Variants in ZFP82 observed in about 807,000 individuals in gnomAD.
ZFP82 encodes the protein zinc finger protein 82 homolog.
A neutral mutation model predicts 54.0 loss-of-function variants in ZFP82; 30 were observed. The ratio of observed to expected loss-of-function variants is 0.56; its 90% CI spans 0.42 to 0.75. The LOEUF (loss-of-function observed/expected upper bound fraction) is 0.75. Among genes scored for constraint, ZFP82 ranks in the 30% least tolerant of loss-of-function variants. The pLI is 0.00. For missense variants in ZFP82, 500 were observed against 636.8 expected (o/e 0.79, Z 2.31); for synonymous variants, 194 against 209.5 (o/e 0.93, Z 0.64).
chr19:36,397,648 C>T (rs1047022966), intron 4 of ZFP82, among the ~76,000 whole-genome samples: 4 of 151,874 alleles, frequency 2.6e-5, no homozygotes, highest in Non-Finnish European at 5.9e-5. Context: ...GCAACCTGCA[C>T]CTCCACCCGC....
chr19:36,397,933 T>A (rs977238304), intron 4 of ZFP82, among the ~76,000 whole-genome samples: 2 of 152,168 alleles, frequency 1.3e-5, no homozygotes, highest in African/African-American at 2.4e-5. Context: ...AAACTGATCA[T>A]GGAAGAGATA....
intron 2 of ZFP82, 109 bp downstream of exon 2, chr19:36,409,672 C>T: frequency 8.4e-7 from 1 of 1,187,532 alleles, no homozygotes; most frequent in Non-Finnish European, 1.2e-6. Context: ...TTTGGAAGAA[C>T]TGGAAGAAGG....
chr19:36,402,133 A>G (rs2032395126), intron 4 of ZFP82, among the ~76,000 whole-genome samples: 2 of 152,228 alleles, frequency 1.3e-5, no homozygotes, highest in Non-Finnish European at 2.9e-5. Context: ...TTGAGTGTTA[A>G]TAATTGCAAA....
At position 36,393,919 on chromosome 19, in the gene ZFP82, C is replaced by G; in HGVS notation, c.421G>C (p.Val141Leu). Residue 141 changes from valine to leucine, a missense_variant, in exon 5 of 5, where the codon GTG (valine) becomes CTG (leucine). By Grantham distance (32) the Val-to-Leu change is conservative. Coordinates refer to ENST00000392161, the MANE Select transcript of ZFP82 (RefSeq NM_133466.4). Reference sequence around the variant, plus strand: ...GACACCTTTTCAGATGGCATTTTCACACTACTGAAGTATCCTTCTTGAGGT... The same window carrying G: ...GACACCTTTTCAGATGGCATTTTCAGACTACTGAAGTATCCTTCTTGAGGT... ...ERPQEGYFSS[V>L]KMPSEKVSSY... 6.2e-7 allele frequency: 1 copy of G among 1,614,166 alleles called. No homozygotes were observed. Among genetic ancestry groups the G allele is most frequent in the Non-Finnish European group, 8.5e-7 (1 of 1,180,028 alleles).
chr19:36,383,459 A>G (rs771008962), exon 2 of ZFP82: 2 of 152,160 alleles, frequency 1.3e-5, no homozygotes, highest in Non-Finnish European at 2.9e-5. Flanking sequence ...TACAAAATCT[A>G]TTTATCTCAG....
chr19:36,408,533 G>C (rs2032523267), intron 2 of ZFP82, among the ~76,000 whole-genome samples: 1 of 152,076 alleles, frequency 6.6e-6, no homozygotes, highest in Non-Finnish European at 1.5e-5. Flanking sequence ...AAAATTGGTT[G>C]TATAGGCCAG....
downstream of ZFP82, among the ~76,000 whole-genome samples, chr19:36,387,159 T>C (rs2032124731): frequency 1.3e-5 from 2 of 152,038 alleles, no homozygotes; most frequent in African/African-American, 4.8e-5. Context: ...CTGATCTAGA[T>C]GAGATTGAAC....
chr19:36,384,265 T>C (rs149197788), downstream of ZFP82: 570 of 152,296 alleles, frequency 3.7e-3, 6 homozygotes, highest in African/African-American at 0.013. Flanking sequence ...AATGTATATA[T>C]AAAAGATAGG....
chr19:36,386,002 G>A (rs138221823), downstream of ZFP82, among the ~76,000 whole-genome samples: 18 of 152,358 alleles, frequency 1.2e-4, no homozygotes, highest in Admixed American at 6.5e-4. Flanking sequence ...GAAAAGGTGT[G>A]TTTAGGAGTG....
In ZFP82 at chr19:36,388,687, T is replaced by C. The variant is rs191087388; in HGVS notation, c.*4054A>G. On this transcript the variant is annotated 3_prime_UTR_variant, in exon 5 of 5. Coordinates refer to ENST00000392161, the MANE Select transcript of ZFP82 (RefSeq NM_133466.4). ...TTTCCCTCAATAACTGCCAATTCTA[T>C]ATTAATGTTCTTTTCAAAGAGAATA... Among the ~76,000 whole-genome samples the C allele has an allele frequency of 1.1e-4, 17 of 152,338 alleles. No homozygotes were observed. The highest frequency in any genetic ancestry group is 3.8e-4 in the African/African-American group (16 of 41,578).
At chr19:36,403,455 C>CA (rs1410067440) in intron 4 of ZFP82, among the ~76,000 whole-genome samples, 1 of 150,582 alleles carries the variant, frequency 6.6e-6, no homozygotes, top group Non-Finnish European at 1.5e-5. Context: ...CCCATCTCTA[C>CA]AAAAAATACA....
chr19:36,393,958 C>A lies in ZFP82; in HGVS notation c.382G>T (p.Glu128Ter). The A allele has an allele frequency of 6.2e-7, 1 of 1,613,664 alleles. No homozygotes were observed. Among genetic ancestry groups the A allele is most frequent in the Non-Finnish European group, 8.5e-7 (1 of 1,179,898 alleles). Residue 128 changes from glutamate (E) to a stop codon, truncating the protein, a stop_gained, in exon 5 of 5, where the codon GAA (glutamate) becomes TAA (stop). Coordinates refer to ENST00000392161, the MANE Select transcript of ZFP82 (RefSeq NM_133466.4). LOFTEE classifies it high-confidence loss of function. The part of the protein sequence containing the change: ...KNDWESTGKI[E>*]GQERPQEGYF... Reference sequence around the variant, plus strand: ...CCTTCTTGAGGTCTCTCCTGTCCTTCAATTTTTCCTGTGGATTCCCAATCA... The same window carrying A: ...CCTTCTTGAGGTCTCTCCTGTCCTTAAATTTTTCCTGTGGATTCCCAATCA...
downstream of ZFP82, among the ~76,000 whole-genome samples, chr19:36,386,704 A>C (rs1303533395): frequency 1.3e-5 from 2 of 152,206 alleles, no homozygotes; most frequent in Non-Finnish European, 2.9e-5. Flanking sequence ...TTGGAGGCCG[A>C]GGCAGGTGGA....
chr19:36,417,181 T>C (rs1028107972), intron 1 of ZFP82, among the ~76,000 whole-genome samples: 1 of 152,026 alleles, frequency 6.6e-6, no homozygotes, highest in Non-Finnish European at 1.5e-5. Flanking sequence ...ATTGGCTTAG[T>C]ATTTTCATTT....
At chr19:36,414,135 C>T (rs1165563957) in intron 1 of ZFP82, among the ~76,000 whole-genome samples, 4 of 152,012 alleles carry the variant, frequency 2.6e-5, no homozygotes, top group South Asian at 4.2e-4. Context: ...CTCCTGACCT[C>T]GTGATCCGCC....
chr19:36,386,025 G>T (rs1365540605), downstream of ZFP82, among the ~76,000 whole-genome samples: 1 of 152,238 alleles, frequency 6.6e-6, no homozygotes, highest in Non-Finnish European at 1.5e-5. Flanking sequence ...AACCAAGGTT[G>T]TATACCCAGA....
chr19:36,384,474 A>G (rs965481641), downstream of ZFP82: 3 of 152,212 alleles, frequency 2.0e-5, no homozygotes, highest in African/African-American at 7.2e-5. Flanking sequence ...GGTATTGGGA[A>G]TGGGAGTTCT....
chr19:36,405,736 T>A, intron 3 of ZFP82, 64 bp from the exon 4 acceptor site: 1 of 1,235,836 alleles, frequency 8.1e-7, no homozygotes, highest in East Asian at 2.5e-5. Flanking sequence ...TTACTTTGAT[T>A]CAGTCTTGGT....
chr19:36,411,816 GAT>G (rs2032585338), intron 1 of ZFP82, among the ~76,000 whole-genome samples: 1 of 144,182 alleles, frequency 6.9e-6, no homozygotes, highest in Non-Finnish European at 1.5e-5. Flanking sequence ...AGTGAGGCGG[GAT>G]CATGCCACTG....
Sources: allele counts gnomAD v4.1 joint callset (sites outside exome capture counted in the v4.1 genomes callset), GRCh38; gene constraint gnomAD v4.1.1; transcripts MANE v1.5; gene names NCBI Gene and HGNC (gene_info 2026-07-23, HGNC 2026-07-21).